The following CIP2A variants were observed in gnomAD, a reference collection of about 807,000 sequenced individuals.
CIP2A encodes the protein protein CIP2A.
CIP2A carries 103 observed loss-of-function variants against 110.9 expected under a neutral mutation model. The ratio of observed to expected loss-of-function variants is 0.93; its 90% CI spans 0.79 to 1.09. The LOEUF is 1.09. CIP2A is among the 50% of genes least tolerant of loss of function. The pLI, the probability that CIP2A is intolerant of heterozygous loss-of-function variation, is 0.00. For missense variants in CIP2A, 1,088 were observed against 1,038.4 expected (o/e 1.05, Z -0.66); for synonymous variants, 381 against 361.6 (o/e 1.05, Z -0.61).
intron 16 of CIP2A, among the ~76,000 whole-genome samples, chr3:108,559,055 G>A (rs560227845): frequency 4.6e-5 from 7 of 152,284 alleles, no homozygotes; most frequent in East Asian, 3.9e-4. Flanking sequence ...ATGACTGGCT[G>A]TAGAGTATCT....
At chr3:108,569,181 T>TATATATATATATATATATACAC in intron 9 of CIP2A, among the ~76,000 whole-genome samples, 4 of 58,274 alleles carry the variant, frequency 6.9e-5, no homozygotes, top group Non-Finnish European at 1.6e-4. Context: ...TATATATATA[T>TATATATATATATATATATACAC]ACATACACAC....
At chr3:108,555,677 A>G (rs981630227) in intron 17 of CIP2A, among the ~76,000 whole-genome samples, 4 of 152,144 alleles carry the variant, frequency 2.6e-5, no homozygotes, top group Non-Finnish European at 4.4e-5. Context: ...TTTTCTACTG[A>G]CCCCAAATGT....
Position 108,559,873 on chromosome 3 carries a change from A to C in CIP2A, c.1903-6T>G. The stretch of plus-strand genomic sequence containing the variant: ...TGTAGCCTGCTTTCTTTGGACTACA[A>C]GAAAACATATCATTAATTTTCATTT... On this transcript the variant is annotated splice_region_variant and splice_polypyrimidine_tract_variant and intron_variant, in intron 15 of 20. Coordinates refer to ENST00000295746, the MANE Select transcript of CIP2A (RefSeq NM_020890.3). The C allele has an allele frequency of 6.2e-7, 1 of 1,603,638 alleles. No homozygotes were observed. Among genetic ancestry groups the C allele is most frequent in the Non-Finnish European group, 8.5e-7 (1 of 1,172,448 alleles).
chr3:108,568,365 T>A, intron 9 of CIP2A, 51 bp from the exon 10 acceptor site: 1 of 1,499,358 alleles, frequency 6.7e-7, no homozygotes, highest in Non-Finnish European at 9.1e-7. Context: ...GAATATACAA[T>A]ACAGAAAAAG....
chr3:108,553,909 AAAAAAAAAAAG>A (rs1937691926), intron 18 of CIP2A, among the ~76,000 whole-genome samples, 179 bp from the exon 19 acceptor site: 1 of 132,538 alleles, frequency 7.5e-6, no homozygotes, highest in African/African-American at 2.7e-5. Flanking sequence ...AAAAAAAAAA[AAAAAAAAAAAG>A]GTCTCGTTCT....
intron 3 of CIP2A, 63 bp downstream of exon 3, chr3:108,582,914 C>A: frequency 1.0e-6 from 1 of 973,638 alleles, no homozygotes; most frequent in South Asian, 1.6e-5. Flanking sequence ...CAGTTTATGA[C>A]AGAAACTATC....
At chr3:108,564,969 G>C (rs963602968) in intron 12 of CIP2A, among the ~76,000 whole-genome samples, 1 of 151,694 alleles carries the variant, frequency 6.6e-6, no homozygotes, top group African/African-American at 2.4e-5. Flanking sequence ...TCTTCCAGCT[G>C]TCTCCCTATC....
chr3:108,576,712 A>T (rs1320110792), intron 7 of CIP2A, among the ~76,000 whole-genome samples: 1 of 152,192 alleles, frequency 6.6e-6, no homozygotes, highest in East Asian at 1.9e-4. Flanking sequence ...ATCCTAATAC[A>T]TTATACAGCT....
chr3:108,583,191 A>G (rs920049643), intron 2 of CIP2A, 108 bp from the exon 3 acceptor site: 7 of 503,718 alleles, frequency 1.4e-5, no homozygotes, highest in Non-Finnish European at 2.0e-5. Context: ...AAGGTATGAT[A>G]TGGCTATTTT....
In CIP2A at chr3:108,583,086, A is replaced by T; in HGVS notation, c.251-3T>A. On this transcript the variant is annotated splice_region_variant and splice_polypyrimidine_tract_variant and intron_variant, in intron 2 of 20. Coordinates refer to ENST00000295746, the MANE Select transcript of CIP2A (RefSeq NM_020890.3). ...ATCTCTGGTTTCAATGTCTACTGCT[A>T]TAAGTTAAAATAAAAGCACAAAATA... 6.5e-7 allele frequency: 1 copy of T among 1,527,770 alleles called. No homozygotes were observed. Among genetic ancestry groups the T allele is most frequent in the South Asian group, 1.2e-5 (1 of 83,272 alleles). 94.6% of individuals were successfully genotyped at this position (1,527,770 alleles called of 1,614,324 possible). A position where few individuals can be genotyped will look rare whatever the true frequency, so the allele number is the denominator to read the frequency against.
chr3:108,551,681 C>CAGT lies in CIP2A; in HGVS notation c.2548-365_2548-363dup, dbSNP rs973141318. 5.9e-5 allele frequency among the ~76,000 whole-genome samples: 9 copies of CAGT among 152,072 alleles called. No individual in the cohort carries two copies. In the East Asian group the frequency reaches 1.7e-3, roughly 29 times the overall value. On this transcript the variant is annotated intron_variant, in intron 20 of 20. Coordinates refer to ENST00000295746, the MANE Select transcript of CIP2A (RefSeq NM_020890.3). ...TAAATTTTATGCCTCTTCTGTTACT[C>CAGT]AGTAGTAGTAGTAGATCAGTCTTTA...
At chr3:108,552,916 C>G (rs1251396788) in intron 19 of CIP2A, among the ~76,000 whole-genome samples, 1 of 151,978 alleles carries the variant, frequency 6.6e-6, no homozygotes, top group Admixed American at 6.6e-5. Context: ...ACACTGCAGA[C>G]TAGAGTTGGC....
intron 1 of CIP2A, among the ~76,000 whole-genome samples, chr3:108,586,940 T>C (rs1939062258): frequency 6.6e-6 from 1 of 152,220 alleles, no homozygotes; most frequent in Non-Finnish European, 1.5e-5. Flanking sequence ...TCTCTTTGCA[T>C]ACTCAGATCT....
rs1162131144 is a variant in CIP2A at position 108,575,868 on chromosome 3, A to G, written c.894+403T>C. On this transcript the variant is annotated intron_variant, in intron 8 of 20. Transcript: ENST00000295746. Reference sequence around the variant, plus strand: ...CTCATATACATGTGTATATACACGTATATATACTCATATACATGTGTATGA... The same window carrying G: ...CTCATATACATGTGTATATACACGTGTATATACTCATATACATGTGTATGA... Among the ~76,000 whole-genome samples, 2 of 90,182 alleles carry G rather than the reference A, an allele frequency of 2.2e-5. 1 individual carries two copies. Among genetic ancestry groups the G allele is most frequent in the Non-Finnish European group, 4.9e-5 (2 of 40,718 alleles). 59.2% of individuals were successfully genotyped at this position (90,182 alleles called of 152,430 possible).
chr3:108,567,331 G>A (rs1031824544), intron 10 of CIP2A, among the ~76,000 whole-genome samples: 6 of 151,666 alleles, frequency 4.0e-5, no homozygotes, highest in Non-Finnish European at 5.9e-5. Context: ...AAATTAAGGA[G>A]CAGTACCTTA....
intron 14 of CIP2A, 45 bp downstream of exon 14, chr3:108,560,602 CAT>C: frequency 8.5e-7 from 1 of 1,173,606 alleles, no homozygotes; most frequent in Non-Finnish European, 1.2e-6. Context: ...TTGGGACTGA[CAT>C]ATAGCTAATA....
At chr3:108,569,328 G>A in intron 9 of CIP2A, 61 bp downstream of exon 9, 1 of 1,209,044 alleles carries the variant, frequency 8.3e-7, no homozygotes. Flanking sequence ...TGTTTTTGAA[G>A]ACAAATTGTT....
intron 8 of CIP2A, among the ~76,000 whole-genome samples, chr3:108,575,385 C>T (rs7647114): frequency 0.59 from 87,147 of 148,584 alleles, 25,616 homozygotes; most frequent in South Asian, 0.68. Flanking sequence ...TACATGTATG[C>T]GTGTATATAT....
chr3:108,575,287 C>A (rs1023506238), intron 8 of CIP2A, among the ~76,000 whole-genome samples: 1 of 130,016 alleles, frequency 7.7e-6, no homozygotes, highest in Non-Finnish European at 1.5e-5. Context: ...CACACGTGTA[C>A]GTACACACAC....
Sources: allele counts gnomAD v4.1 joint callset (sites outside exome capture counted in the v4.1 genomes callset), GRCh38; gene constraint gnomAD v4.1.1; transcripts MANE v1.5; gene names NCBI Gene and HGNC (gene_info 2026-07-23, HGNC 2026-07-21).